RBFOX1: variants seen among roughly 807,000 people sequenced by gnomAD.
RBFOX1 encodes RNA binding fox-1 homolog 1.
In RBFOX1, 8 loss-of-function variants were observed where a neutral mutation model predicts 57.7. The observed-to-expected ratio is 0.14, with a 90% CI of 0.08 to 0.25. The LOEUF is 0.25. RBFOX1 is among the 10% of genes least tolerant of loss of function. The pLI, the probability that RBFOX1 is intolerant of heterozygous loss-of-function variation, is 1.00. For missense variants in RBFOX1, 611 were observed against 548.5 expected, an observed-to-expected ratio of 1.11 and a Z score of -1.14; for synonymous variants, 326 against 222.4, an observed-to-expected ratio of 1.47 and a Z score of -4.15.
At chr16:7,579,069 T>A (rs2093554149) in intron 5 of RBFOX1, among the ~76,000 whole-genome samples, 1 of 152,230 alleles carries the variant, frequency 6.6e-6, no homozygotes, top group African/African-American at 2.4e-5. Context: ...AATAACTACA[T>A]GTGGTTCTTG....
chr16:7,601,533 A>C, intron 9 of RBFOX1, among the ~76,000 whole-genome samples: 1 of 152,330 alleles, frequency 6.6e-6, no homozygotes, highest in South Asian at 2.1e-4. Flanking sequence ...AAAATCAGCA[A>C]ACAGACAGTC....
chr16:5,897,564 C>A (rs1282593060), intron 4 of RBFOX1, among the ~76,000 whole-genome samples: 1 of 152,128 alleles, frequency 6.6e-6, no homozygotes, highest in African/African-American at 2.4e-5. Flanking sequence ...GGGTTTGCTC[C>A]ACTTAATATA....
At chr16:6,461,833 C>G (rs947273055) in intron 2 of RBFOX1, among the ~76,000 whole-genome samples, 2 of 152,032 alleles carry the variant, frequency 1.3e-5, no homozygotes, top group Non-Finnish European at 2.9e-5. Context: ...AGGACATATG[C>G]AATTATATCA....
intron 4 of RBFOX1, among the ~76,000 whole-genome samples, chr16:7,205,229 G>C (rs1398770953): frequency 6.6e-6 from 1 of 152,058 alleles, no homozygotes; most frequent in African/African-American, 2.4e-5. Flanking sequence ...GAAAATGTAT[G>C]GAAATGGGCG....
chr16:6,552,007 C>G (rs1384013822), intron 2 of RBFOX1, among the ~76,000 whole-genome samples: 1 of 152,206 alleles, frequency 6.6e-6, no homozygotes, highest in Non-Finnish European at 1.5e-5. Context: ...TTCAGAACAT[C>G]TATTAGTTCA....
intron 2 of RBFOX1, among the ~76,000 whole-genome samples, chr16:6,581,839 G>A (rs1484806495): frequency 6.6e-6 from 1 of 152,180 alleles, no homozygotes; most frequent in Non-Finnish European, 1.5e-5. Flanking sequence ...TCCCTCAAAG[G>A]ATGCCACTGA....
intron 3 of RBFOX1, among the ~76,000 whole-genome samples, chr16:6,872,486 G>A (rs2061105365): frequency 6.6e-6 from 1 of 152,064 alleles, no homozygotes; most frequent in Admixed American, 6.5e-5. Flanking sequence ...CTTGCTTTAG[G>A]TTTCAGGCTT....
intron 4 of RBFOX1, among the ~76,000 whole-genome samples, chr16:7,447,018 T>C (rs2098813999): frequency 6.6e-6 from 1 of 151,704 alleles, no homozygotes; most frequent in Non-Finnish European, 1.5e-5. Flanking sequence ...TTCACCATGT[T>C]AGCCAGGATG....
intron 3 of RBFOX1, among the ~76,000 whole-genome samples, chr16:6,858,286 C>A (rs917626658): frequency 1.3e-5 from 2 of 152,160 alleles, no homozygotes; most frequent in Non-Finnish European, 2.9e-5. Context: ...CAGAGGTCTT[C>A]CCTCTCTGTG....
At chr16:5,463,861 C>T (rs1249390341) in intron 1 of RBFOX1, among the ~76,000 whole-genome samples, 2 of 151,416 alleles carry the variant, frequency 1.3e-5, no homozygotes, top group Non-Finnish European at 2.9e-5. Context: ...GATTACAACA[C>T]CCAGAAATGC....
chr16:7,308,055 C>A, intron 4 of RBFOX1, among the ~76,000 whole-genome samples: 1 of 152,130 alleles, frequency 6.6e-6, no homozygotes, highest in East Asian at 1.9e-4. Context: ...GGGTTTGCAG[C>A]AAGCTAGGTC....
chr16:5,529,770 G>A (rs1015709709), intron 2 of RBFOX1, among the ~76,000 whole-genome samples: 1 of 152,046 alleles, frequency 6.6e-6, no homozygotes, highest in African/African-American at 2.4e-5. Context: ...GTTTCACCAT[G>A]TTAGCCAGGG....
chr16:5,847,673 G>C (rs1464262135), intron 3 of RBFOX1, among the ~76,000 whole-genome samples: 1 of 152,130 alleles, frequency 6.6e-6, no homozygotes, highest in African/African-American at 2.4e-5. Flanking sequence ...TCCGGAGGCT[G>C]ACTGGCTTAG....
intron 1 of RBFOX1, among the ~76,000 whole-genome samples, chr16:5,460,097 G>C (rs2068745390): frequency 6.6e-6 from 1 of 151,970 alleles, no homozygotes; most frequent in Non-Finnish European, 1.5e-5. Context: ...GGAGTGTAAA[G>C]TCGGCATGTT....
intron 10 of RBFOX1, among the ~76,000 whole-genome samples, chr16:7,624,874 C>T (rs995383760): frequency 6.6e-6 from 1 of 152,040 alleles, no homozygotes; most frequent in African/African-American, 2.4e-5. Context: ...GTTGGTTTTG[C>T]GCCGATTGGA....
At chr16:6,079,312 AAAAAT>A (rs1190494605) in intron 1 of RBFOX1, among the ~76,000 whole-genome samples, 1 of 152,114 alleles carries the variant, frequency 6.6e-6, no homozygotes, top group Non-Finnish European at 1.5e-5. Context: ...TCTCAAAATA[AAAAAT>A]AAAATAAATA....
intron 1 of RBFOX1, among the ~76,000 whole-genome samples, chr16:6,124,317 C>T (rs927048916): frequency 6.6e-6 from 1 of 152,118 alleles, no homozygotes; most frequent in African/African-American, 2.4e-5. Flanking sequence ...GCAGTTATAG[C>T]CCCAGCGTGA....
At chr16:7,391,243 G>T (rs890498633) in intron 4 of RBFOX1, among the ~76,000 whole-genome samples, 3 of 152,164 alleles carry the variant, frequency 2.0e-5, no homozygotes, top group African/African-American at 7.2e-5. Flanking sequence ...TTCTAGGCCA[G>T]TCTCTTTTTA....
intron 4 of RBFOX1, among the ~76,000 whole-genome samples, chr16:7,322,915 T>A (rs2096564275): frequency 6.6e-6 from 1 of 152,160 alleles, no homozygotes; most frequent in Non-Finnish European, 1.5e-5. Flanking sequence ...TCCATGTACC[T>A]CTGACTTTCT....
Sources: gnomAD v4.1 joint callset for allele counts (sites outside exome capture counted in the v4.1 genomes callset) on GRCh38, gnomAD v4.1.1 for gene constraint, MANE v1.5 for transcripts, NCBI Gene and HGNC (gene_info 2026-07-23, HGNC 2026-07-21) for gene names.